PDE11A: variants seen among roughly 807,000 people sequenced by gnomAD.
PDE11A encodes the protein dual 3',5'-cyclic-AMP and -GMP phosphodiesterase 11A.
A neutral mutation model predicts 100.5 loss-of-function variants in PDE11A; 100 were observed. That is an observed-to-expected ratio of 1.00 (90% CI 0.85 to 1.18). The LOEUF (loss-of-function observed/expected upper bound fraction) is 1.18. Among genes scored for constraint, PDE11A ranks in the 50% most tolerant of loss-of-function variants. The pLI is 0.00. For synonymous variants in PDE11A, 381 were observed against 420.8 expected, an observed-to-expected ratio of 0.91 and a Z score of 1.16; for missense variants, 1,141 against 1,152.6, an observed-to-expected ratio of 0.99 and a Z score of 0.15.
At chr2:177,869,827 T>G (rs2084097853) in intron 5 of PDE11A, among the ~76,000 whole-genome samples, 1 of 152,210 alleles carries the variant, frequency 6.6e-6, no homozygotes, top group Non-Finnish European at 1.5e-5. Context: ...TTCTCAGTGT[T>G]AATTGTTTTA....
At chr2:177,815,606 C>G (rs1191617854) in intron 9 of PDE11A, among the ~76,000 whole-genome samples, 5 of 152,062 alleles carry the variant, frequency 3.3e-5, no homozygotes, top group Admixed American at 3.3e-4. Flanking sequence ...TCAATAAATC[C>G]CAACTTTGCA....
chr2:178,077,311 A>G (rs1266062468), upstream of PDE11A, among the ~76,000 whole-genome samples: 2 of 142,124 alleles, frequency 1.4e-5, no homozygotes, highest in Non-Finnish European at 3.0e-5. Flanking sequence ...TGCTGCCCAG[A>G]TAAGTGCAGT....
chr2:178,001,271 T>C (rs1253653082), intron 2 of PDE11A, among the ~76,000 whole-genome samples: 2 of 138,046 alleles, frequency 1.4e-5, no homozygotes, highest in East Asian at 4.2e-4. Context: ...AAAGACAATG[T>C]GAAAGTGTGT....
intron 9 of PDE11A, among the ~76,000 whole-genome samples, chr2:177,793,042 C>G (rs945954571): frequency 5.9e-5 from 9 of 152,128 alleles, no homozygotes; most frequent in Non-Finnish European, 1.2e-4. Context: ...AAAGAACCAG[C>G]CAGCCAACGG....
At chr2:177,852,038 C>T (rs775486284) in intron 5 of PDE11A, among the ~76,000 whole-genome samples, 2 of 152,140 alleles carry the variant, frequency 1.3e-5, no homozygotes, top group Non-Finnish European at 2.9e-5. Context: ...TCTGTATCAG[C>T]AGCCCCTAGA....
rs145940276 is a variant in PDE11A, at chr2:177,727,739, C to T, written c.1962G>A (p.Val654=). 8 of 1,610,296 alleles carry T rather than the reference C, an allele frequency of 5.0e-6. No homozygotes were observed. Among genetic ancestry groups the T allele is most frequent in the South Asian group, 2.2e-5 (2 of 91,020 alleles). Residue 654 remains valine, a synonymous_variant, in exon 12 of 20, where the codon GTG becomes GTA. Coordinates refer to ENST00000286063, the MANE Select transcript of PDE11A (RefSeq NM_016953.4). ...YETLCRWLLT[V]RKNYRMVLYH... is the part of the protein sequence containing the mutation. ...ATAGAACCATCCGATAGTTTTTCCT[C>T]ACTGTCAAAAGCCACCTACACAGTG...
At chr2:177,868,866 T>C (rs2084075328) in intron 5 of PDE11A, among the ~76,000 whole-genome samples, 1 of 152,226 alleles carries the variant, frequency 6.6e-6, no homozygotes, top group Non-Finnish European at 1.5e-5. Flanking sequence ...TTGGCTGCAA[T>C]TTTAAGGGTT....
chr2:178,076,130 C>CA (rs1559064346), upstream of PDE11A, among the ~76,000 whole-genome samples: 1 of 152,102 alleles, frequency 6.6e-6, no homozygotes, highest in African/African-American at 2.4e-5. Flanking sequence ...CGTGAAAAGG[C>CA]ATGATACTGT....
At chr2:177,683,011 T>C (rs191745948) in intron 15 of PDE11A, among the ~76,000 whole-genome samples, 1 of 152,318 alleles carries the variant, frequency 6.6e-6, no homozygotes, top group East Asian at 1.9e-4. Context: ...AACTTAGTGC[T>C]GACCCTCTGT....
At chr2:178,022,688 T>G (rs1488452168) in intron 1 of PDE11A, among the ~76,000 whole-genome samples, 1 of 152,114 alleles carries the variant, frequency 6.6e-6, no homozygotes, top group Non-Finnish European at 1.5e-5. Flanking sequence ...AATGGAAACT[T>G]GAATAGGAAA....
chr2:177,713,987 CTTTTTTTTTTTT>C (rs57211363), intron 12 of PDE11A, among the ~76,000 whole-genome samples: 1 of 77,370 alleles, frequency 1.3e-5, no homozygotes, highest in Non-Finnish European at 2.2e-5. Context: ...TTTCTTTTTT[CTTTTTTTTTTTT>C]TTTTTTTTTT....
At chr2:177,672,553 G>A (rs1345015996) in intron 17 of PDE11A, among the ~76,000 whole-genome samples, 1 of 152,144 alleles carries the variant, frequency 6.6e-6, no homozygotes, top group Non-Finnish European at 1.5e-5. Context: ...AGGCTATAAG[G>A]ATGAGAATCC....
At chr2:177,710,846 G>C (rs946343857) in intron 13 of PDE11A, among the ~76,000 whole-genome samples, 1 of 152,222 alleles carries the variant, frequency 6.6e-6, no homozygotes, top group African/African-American at 2.4e-5. Context: ...ACAAAGAGCA[G>C]ACTGTGAAAG....
At chr2:177,753,101 C>G (rs2082046091) in intron 10 of PDE11A, among the ~76,000 whole-genome samples, 1 of 152,184 alleles carries the variant, frequency 6.6e-6, no homozygotes, top group Non-Finnish European at 1.5e-5. Flanking sequence ...GAATTAGGCT[C>G]AAGTCCACAA....
chr2:177,698,098 G>T (rs552727471), intron 14 of PDE11A, among the ~76,000 whole-genome samples: 1 of 152,158 alleles, frequency 6.6e-6, no homozygotes, highest in South Asian at 2.1e-4. Flanking sequence ...CTGCTGAAGC[G>T]GAGGAACCGT....
intron 19 of PDE11A, among the ~76,000 whole-genome samples, chr2:177,635,819 A>G (rs1464375988): frequency 6.6e-6 from 1 of 151,874 alleles, no homozygotes; most frequent in Non-Finnish European, 1.5e-5. Flanking sequence ...TATTCTTAAT[A>G]TATCTTGGGA....
chr2:177,897,887 G>A (rs576355707), intron 4 of PDE11A, among the ~76,000 whole-genome samples, 171 bp downstream of exon 4: 5 of 152,254 alleles, frequency 3.3e-5, no homozygotes, highest in East Asian at 1.9e-4. Context: ...TGCAAAAAGA[G>A]AATGAAATAC....
At chr2:178,080,473 T>A (rs2087270781) in intron 2 of PDE11A, among the ~76,000 whole-genome samples, 2 of 152,194 alleles carry the variant, frequency 1.3e-5, no homozygotes, top group African/African-American at 4.8e-5. Context: ...CAGTCTTATT[T>A]CTGAGTTCTC....
intron 19 of PDE11A, among the ~76,000 whole-genome samples, chr2:177,649,692 A>G (rs1038444706): frequency 6.6e-6 from 1 of 152,200 alleles, no homozygotes; most frequent in Admixed American, 6.5e-5. Context: ...CTGTATATAA[A>G]CTATCTTTAG....
Sources: allele counts gnomAD v4.1 joint callset (sites outside exome capture counted in the v4.1 genomes callset), GRCh38; gene constraint gnomAD v4.1.1; transcripts MANE v1.5; gene names NCBI Gene and HGNC (gene_info 2026-07-23, HGNC 2026-07-21).